KCNIP3: variants seen among roughly 807,000 people sequenced by gnomAD.
The protein encoded by KCNIP3 is potassium voltage-gated channel interacting protein 3, also known as calsenilin.
In KCNIP3, 28 loss-of-function variants were observed where a neutral mutation model predicts 35.0. The observed-to-expected ratio is 0.80, with a 90% CI of 0.59 to 1.10. KCNIP3 has a LOEUF of 1.10. Among genes scored for constraint, KCNIP3 ranks in the 50% least tolerant of loss-of-function variants. The pLI is 0.00. For missense variants in KCNIP3, 295 were observed against 338.4 expected (o/e 0.87, Z 1.01); for synonymous variants, 134 against 133.8 (o/e 1.00, Z -0.01).
intron 2 of KCNIP3, among the ~76,000 whole-genome samples, chr2:95,318,975 G>C (rs1273590208): frequency 6.6e-6 from 1 of 152,210 alleles, no homozygotes; most frequent in South Asian, 2.1e-4. Flanking sequence ...TGCAGCCGCC[G>C]GCAGGGCTGG....
intron 2 of KCNIP3, among the ~76,000 whole-genome samples, chr2:95,320,894 C>T (rs1304043565): frequency 1.2e-4 from 13 of 111,964 alleles, no homozygotes; most frequent in African/African-American, 3.4e-4. Flanking sequence ...CCGCCCCCCT[C>T]GGCCCCACCC....
chr2:95,348,014 G>A (rs1422177854), intron 2 of KCNIP3, among the ~76,000 whole-genome samples: 1 of 152,270 alleles, frequency 6.6e-6, no homozygotes, highest in Non-Finnish European at 1.5e-5. Flanking sequence ...GCGAAGGGCT[G>A]CTGAGTGCGG....
At chr2:95,314,121 A>G (rs1181244967) in intron 2 of KCNIP3, among the ~76,000 whole-genome samples, 1 of 152,140 alleles carries the variant, frequency 6.6e-6, no homozygotes, top group African/African-American at 2.4e-5. Flanking sequence ...AACCCCACGT[A>G]AAATCATAAA....
Position 95,381,611 on chromosome 2 carries a change from C to T in KCNIP3, c.463C>T (p.Leu155Phe). The change falls in exon 6 of 9, where the codon CTC becomes TTC. Residue 155 changes from leucine (L) to phenylalanine (F), a missense_variant. By Grantham distance (22) the Leu-to-Phe change is conservative. Transcript: ENST00000295225. ...TTCCCCATAGGACTTTGTGGTTGGCCTCTCCATCCTGCTGCGGGGCACAGT... is the reference window on the plus strand; with the variant it reads ...TTCCCCATAGGACTTTGTGGTTGGCTTCTCCATCCTGCTGCGGGGCACAGT... ...AIHFEDFVVG[L>F]SILLRGTVHE... 1.9e-6 allele frequency: 3 copies of T among 1,613,880 alleles called. No homozygotes were observed. The highest frequency in any genetic ancestry group is 1.7e-6 in the Non-Finnish European group (2 of 1,179,774).
At chr2:95,347,043 G>C (rs767750405) in intron 2 of KCNIP3, 2 of 1,611,188 alleles carry the variant, frequency 1.2e-6, no homozygotes, top group Non-Finnish European at 1.7e-6. Context: ...GCATGGAGCT[G>C]TGCGCCATGG....
At chr2:95,348,215 T>C (rs933436911) in intron 2 of KCNIP3, among the ~76,000 whole-genome samples, 2 of 152,100 alleles carry the variant, frequency 1.3e-5, no homozygotes, top group African/African-American at 4.8e-5. Context: ...ACCAGGAGCT[T>C]TGGATTGGAG....
chr2:95,375,068 G>T, intron 4 of KCNIP3, 70 bp from the exon 5 acceptor site: 1 of 1,551,292 alleles, frequency 6.4e-7, no homozygotes, highest in Admixed American at 1.7e-5. Context: ...CTCAGCTGGG[G>T]TTGCCTGGGG....
At chr2:95,327,699 GC>G (rs1317167560) in intron 2 of KCNIP3, among the ~76,000 whole-genome samples, 1 of 152,182 alleles carries the variant, frequency 6.6e-6, no homozygotes, top group African/African-American at 2.4e-5. Context: ...CGTCACCATC[GC>G]CCCCATCTTC....
intron 2 of KCNIP3, among the ~76,000 whole-genome samples, chr2:95,353,666 A>C (rs1679582362): frequency 6.6e-6 from 1 of 152,134 alleles, no homozygotes; most frequent in African/African-American, 2.4e-5. Context: ...TCAGAAATTC[A>C]GAAGGGGAGG....
At chr2:95,380,352 T>G (rs1425471236) in intron 5 of KCNIP3, among the ~76,000 whole-genome samples, 3 of 152,244 alleles carry the variant, frequency 2.0e-5, no homozygotes, top group African/African-American at 7.2e-5. Flanking sequence ...TTCCTCTGTC[T>G]CTGTCTCTCT....
intron 2 of KCNIP3, among the ~76,000 whole-genome samples, chr2:95,338,791 C>T (rs1679123608): frequency 6.6e-6 from 1 of 152,186 alleles, no homozygotes; most frequent in African/African-American, 2.4e-5. Context: ...CTTCCTTTAT[C>T]TGTGAGGTTG....
In KCNIP3 at chr2:95,328,234, C is replaced by T. The variant is rs570010257; in HGVS notation, c.181+17714C>T. Among the ~76,000 whole-genome samples, 6 of 152,342 alleles carry T rather than the reference C, an allele frequency of 3.9e-5. No individual in the cohort carries two copies. In the East Asian group the frequency reaches 1.2e-3, roughly 29 times the overall value. On this transcript the variant is annotated intron_variant, in intron 2 of 8. Transcript: ENST00000295225. ...CACACTCTCCCCCCTCCCCCGGCCC[C>T]TCTGGCCTTCATCGTAGACCTTCTG...
chr2:95,346,384 C>T (rs1336298481), intron 2 of KCNIP3, among the ~76,000 whole-genome samples: 1 of 151,486 alleles, frequency 6.6e-6, no homozygotes, highest in East Asian at 2.0e-4. Flanking sequence ...GCGCGGCCTC[C>T]AGGGGCTGGC....
chr2:95,311,619 G>A (rs1469815388), intron 2 of KCNIP3: 1 of 152,248 alleles, frequency 6.6e-6, no homozygotes, highest in Non-Finnish European at 1.5e-5. Context: ...AGAGGTCCAT[G>A]CCTGTGCACA....
chr2:95,305,771 T>C (rs1014965796), intron 1 of KCNIP3, among the ~76,000 whole-genome samples: 1 of 152,210 alleles, frequency 6.6e-6, no homozygotes, highest in Non-Finnish European at 1.5e-5. Flanking sequence ...TGGGTTGGCT[T>C]TTTCATTCAG....
At chr2:95,340,940 T>C (rs905881847) in intron 2 of KCNIP3, among the ~76,000 whole-genome samples, 5 of 152,190 alleles carry the variant, frequency 3.3e-5, no homozygotes, top group Admixed American at 1.3e-4. Flanking sequence ...AATGGGGTTT[T>C]CTGTTACCTG....
chr2:95,298,503 G>T (rs1303304193), intron 1 of KCNIP3, among the ~76,000 whole-genome samples: 1 of 152,166 alleles, frequency 6.6e-6, no homozygotes, highest in Non-Finnish European at 1.5e-5. Flanking sequence ...GACAATCAGG[G>T]TCTTGAATGT....
intron 2 of KCNIP3, among the ~76,000 whole-genome samples, chr2:95,359,466 C>G (rs1349942571): frequency 2.0e-5 from 3 of 152,226 alleles, no homozygotes; most frequent in Non-Finnish European, 4.4e-5. Flanking sequence ...ACATCACACA[C>G]TGGGGCCCTG....
At chr2:95,308,389 C>T (rs1445692252) in intron 1 of KCNIP3, among the ~76,000 whole-genome samples, 1 of 152,184 alleles carries the variant, frequency 6.6e-6, no homozygotes, top group East Asian at 1.9e-4. Context: ...TAGTTGGGAC[C>T]TAGCTGGGGA....
Sources: gnomAD v4.1 joint callset for allele counts (sites outside exome capture counted in the v4.1 genomes callset) on GRCh38, gnomAD v4.1.1 for gene constraint, MANE v1.5 for transcripts, NCBI Gene and HGNC (gene_info 2026-07-23, HGNC 2026-07-21) for gene names.